The following DYSF variants were observed in gnomAD, a reference collection of about 807,000 sequenced individuals.
The protein encoded by DYSF is dysferlin, also known as dystrophy-associated fer-1-like 1.
In DYSF, 212 loss-of-function variants were observed where a neutral mutation model predicts 274.9. The ratio of observed to expected loss-of-function variants is 0.77; its 90% CI spans 0.69 to 0.86. The LOEUF is 0.86. Among genes scored for constraint, DYSF ranks in the 40% least tolerant of loss-of-function variants. The pLI is 0.00. For missense variants in DYSF, 2,666 were observed against 2,783.2 expected (o/e 0.96, Z 0.95); for synonymous variants, 1,091 against 1,078.7 (o/e 1.01, Z -0.22).
At chr2:71,565,333 C>A (rs551505478) in intron 24 of DYSF, among the ~76,000 whole-genome samples, 1 of 151,420 alleles carries the variant, frequency 6.6e-6, no homozygotes, top group Admixed American at 6.6e-5. Context: ...TCAGGTGATC[C>A]GCCTGCCTTG....
intron 16 of DYSF, among the ~76,000 whole-genome samples, chr2:71,537,217 AGTTTT>A (rs1553536522): frequency 7.8e-5 from 7 of 89,930 alleles, no homozygotes; most frequent in African/African-American, 2.3e-4. Context: ...TTTACTTTCT[AGTTTT>A]GTTTTTTTTT....
At chr2:71,509,352 A>T (rs936074464) in intron 4 of DYSF, among the ~76,000 whole-genome samples, 10 of 151,116 alleles carry the variant, frequency 6.6e-5, no homozygotes, top group African/African-American at 2.4e-4. Flanking sequence ...TGTAAAGATG[A>T]GGGTCTCACT....
intron 42 of DYSF, among the ~76,000 whole-genome samples, chr2:71,647,648 TGAAGA>T (rs1271650194): frequency 6.6e-6 from 1 of 152,148 alleles, no homozygotes; most frequent in Admixed American, 6.5e-5. Context: ...CAGCAGTAAG[TGAAGA>T]GAAGATACAT....
chr2:71,599,944 A>T lies in DYSF; in HGVS notation c.3757-758A>T, dbSNP rs376675113. Among the ~76,000 whole-genome samples the T allele has an allele frequency of 2.1e-4, 32 of 152,254 alleles. No individual in the cohort carries two copies. The East Asian group carries it at 5.4e-3, about 26-fold the overall frequency. ...GCTGGTACCATGGGAAGGAATGAGC[A>T]ACTGGAGGAAGAGTCCATGTGGGAC... On this transcript the variant is annotated intron_variant, in intron 33 of 55. Coordinates refer to ENST00000410020, the MANE Select transcript of DYSF (RefSeq NM_001130987.2).
At chr2:71,572,966 G>A (rs373717388) in intron 29 of DYSF, among the ~76,000 whole-genome samples, 2 of 152,198 alleles carry the variant, frequency 1.3e-5, no homozygotes, top group Admixed American at 1.3e-4. Flanking sequence ...ACATGGATGA[G>A]CACACGCAAG....
At chr2:71,584,757 G>A (rs913305326) in intron 30 of DYSF, among the ~76,000 whole-genome samples, 8 of 152,216 alleles carry the variant, frequency 5.3e-5, no homozygotes, top group Admixed American at 1.3e-4. Context: ...GCTGGGAGAG[G>A]CTGGGTAGGG....
At chr2:71,684,034 T>A (rs1195420279) in intron 55 of DYSF, among the ~76,000 whole-genome samples, 1 of 152,094 alleles carries the variant, frequency 6.6e-6, no homozygotes, top group South Asian at 2.1e-4. Flanking sequence ...ACCAGGGTGG[T>A]GAAGGGTCTG....
chr2:71,676,238 A>G (rs1441642691), intron 52 of DYSF, among the ~76,000 whole-genome samples: 2 of 152,152 alleles, frequency 1.3e-5, no homozygotes, highest in African/African-American at 4.8e-5. Flanking sequence ...GTTGCCCTCT[A>G]GAAAGGTTTT....
chr2:71,518,241 A>T (rs2152738721), intron 10 of DYSF, among the ~76,000 whole-genome samples: 1 of 151,714 alleles, frequency 6.6e-6, no homozygotes, highest in Middle Eastern at 3.4e-3. Context: ...CACAGACTAA[A>T]GGAGACCTGT....
At position 71,686,684 on chromosome 2, in the gene DYSF, C is replaced by T; in HGVS notation, c.*192C>T. 1.5e-6 allele frequency: 1 copy of T among 665,646 alleles called. No homozygotes were observed. Among genetic ancestry groups the T allele is most frequent in the Non-Finnish European group, 2.7e-6 (1 of 372,402 alleles). 41.2% of individuals were successfully genotyped at this position (665,646 alleles called of 1,614,324 possible). A position where few individuals can be genotyped will look rare whatever the true frequency, so the allele number is the denominator to read the frequency against. On this transcript the variant is annotated 3_prime_UTR_variant, in exon 56 of 56. Coordinates refer to ENST00000410020, the MANE Select transcript of DYSF (RefSeq NM_001130987.2). ...ATGGAGCTCTGAGATCACCCCACTTCCATCATTTCCTTCTCCCCCAACCCA... is the reference window on the plus strand; with the variant it reads ...ATGGAGCTCTGAGATCACCCCACTTTCATCATTTCCTTCTCCCCCAACCCA...
At chr2:71,593,218 C>T (rs562672331) in intron 32 of DYSF, among the ~76,000 whole-genome samples, 13 of 150,858 alleles carry the variant, frequency 8.6e-5, no homozygotes, top group South Asian at 4.2e-4. Context: ...CTGCAACCTC[C>T]GCCTCCCAGG....
intron 47 of DYSF, among the ~76,000 whole-genome samples, chr2:71,666,685 G>A (rs541082456): frequency 6.6e-6 from 1 of 152,310 alleles, no homozygotes; most frequent in South Asian, 2.1e-4. Context: ...GCTGTACCTG[G>A]GACGCACCTG....
chr2:71,650,174 T>A (rs2094631364), intron 42 of DYSF, among the ~76,000 whole-genome samples: 1 of 152,142 alleles, frequency 6.6e-6, no homozygotes, highest in Non-Finnish European at 1.5e-5. Context: ...TCATGTCAGA[T>A]CAAGGAGACA....
intron 3 of DYSF, among the ~76,000 whole-genome samples, chr2:71,483,640 A>G (rs1486462104): frequency 6.6e-6 from 1 of 152,206 alleles, no homozygotes; most frequent in African/African-American, 2.4e-5. Flanking sequence ...CACAACTGCC[A>G]CACAGCTGAG....
chr2:71,593,338 C>G (rs2093325166), intron 32 of DYSF, among the ~76,000 whole-genome samples: 1 of 152,054 alleles, frequency 6.6e-6, no homozygotes, highest in African/African-American at 2.4e-5. Flanking sequence ...CCCTTGTTGG[C>G]CAGGCTGGTC....
At position 71,481,990 on chromosome 2, in the gene DYSF, G is replaced by A. The variant is rs12470028; in HGVS notation, c.239+20G>A. ...GAACAGGTAAGGTGGCCAGAGGGGG[G>A]TGCTCCATGGCTTGAAGGTGCAGGT... On this transcript the variant is annotated intron_variant, in intron 3 of 55. Coordinates refer to ENST00000410020, the MANE Select transcript of DYSF (RefSeq NM_001130987.2). 0.081 allele frequency: 129,141 copies of A among 1,601,178 alleles called. 6,657 individuals carry two copies. Among genetic ancestry groups the A allele is most frequent in the Admixed American group, 0.24 (14,440 of 59,802 alleles).
intron 3 of DYSF, among the ~76,000 whole-genome samples, chr2:71,483,585 A>AG (rs1370679452): frequency 1.3e-5 from 2 of 152,016 alleles, no homozygotes; most frequent in South Asian, 2.1e-4. Context: ...AAGAATTGAG[A>AG]GGGGGGTCTC....
chr2:71,665,415 A>T, intron 47 of DYSF, 111 bp downstream of exon 47: 1 of 1,394,184 alleles, frequency 7.2e-7, no homozygotes, highest in Admixed American at 1.8e-5. Flanking sequence ...CCACAGCAGC[A>T]GGCTGTGGGT....
chr2:71,462,134 A>T (rs950968515), upstream of DYSF, among the ~76,000 whole-genome samples: 7 of 152,206 alleles, frequency 4.6e-5, no homozygotes, highest in African/African-American at 9.7e-5. Context: ...CTCAGCTCTC[A>T]GTACCAGCCC....
Sources: allele counts gnomAD v4.1 joint callset (sites outside exome capture counted in the v4.1 genomes callset), GRCh38; gene constraint gnomAD v4.1.1; transcripts MANE v1.5; gene names NCBI Gene and HGNC (gene_info 2026-07-23, HGNC 2026-07-21).